The following ARPP21 variants were observed in gnomAD, a reference collection of about 807,000 sequenced individuals.
The protein encoded by ARPP21 is cAMP-regulated phosphoprotein 21.
In ARPP21, 69 loss-of-function variants were observed where a neutral mutation model predicts 113.2. The ratio of observed to expected loss-of-function variants is 0.61; its 90% CI spans 0.50 to 0.74. The LOEUF is 0.74. Ranked by LOEUF, ARPP21 falls within the 30% of genes least tolerant of loss-of-function variation. The pLI is 0.00. For missense variants in ARPP21, 1,070 were observed against 1,037.4 expected, an observed-to-expected ratio of 1.03 and a Z score of -0.43; for synonymous variants, 368 against 375.5, an observed-to-expected ratio of 0.98 and a Z score of 0.23.
At chr3:35,677,131 G>A (rs1431010988) in intron 1 of ARPP21, among the ~76,000 whole-genome samples, 1 of 151,850 alleles carries the variant, frequency 6.6e-6, no homozygotes, top group South Asian at 2.1e-4. Context: ...TGAAGAAAGT[G>A]ACTAATACAG....
chr3:35,740,979 G>T (rs1464513643), intron 18 of ARPP21, among the ~76,000 whole-genome samples: 1 of 151,906 alleles, frequency 6.6e-6, no homozygotes, highest in African/African-American at 2.4e-5. Flanking sequence ...GCACATTCTT[G>T]TGGTCCTACC....
At chr3:35,674,167 G>A (rs1185214624) in intron 1 of ARPP21, among the ~76,000 whole-genome samples, 4 of 152,026 alleles carry the variant, frequency 2.6e-5, no homozygotes, top group African/African-American at 9.6e-5. Context: ...GCCCAAACAA[G>A]AGTATCATCA....
intron 6 of ARPP21, among the ~76,000 whole-genome samples, chr3:35,688,928 G>A (rs909001493): frequency 6.6e-6 from 1 of 150,486 alleles, no homozygotes; most frequent in Non-Finnish European, 1.5e-5. Context: ...GGGTTCCATG[G>A]GATCTCAAAC....
chr3:35,758,595 C>T (rs2095654848), intron 19 of ARPP21, among the ~76,000 whole-genome samples: 1 of 151,454 alleles, frequency 6.6e-6, no homozygotes, highest in Non-Finnish European at 1.5e-5. Context: ...AAAAAAAAAA[C>T]ATGGAAATAT....
intron 9 of ARPP21, among the ~76,000 whole-genome samples, chr3:35,692,041 T>C (rs539202655): frequency 4.6e-5 from 7 of 151,534 alleles, no homozygotes; most frequent in South Asian, 2.1e-4. Context: ...GGGAAAGTCA[T>C]AGTGAAGAGA....
At chr3:35,768,619 T>C (rs1023675205) in intron 19 of ARPP21, among the ~76,000 whole-genome samples, 17 of 152,158 alleles carry the variant, frequency 1.1e-4, no homozygotes, top group African/African-American at 4.1e-4. Context: ...CTATAAGGAA[T>C]CCCATTCACA....
chr3:35,687,723 A>C lies in ARPP21; in HGVS notation c.262-16A>C. ...ATTAAACCTGGCCCTAAATTATTAT[A>C]TTTTTTCCCCAACAGGAATCAATTC... is the stretch of plus-strand genomic sequence containing the variant. On this transcript the variant is annotated splice_polypyrimidine_tract_variant and intron_variant, in intron 5 of 20. Transcript: ENST00000684406. 2 of 1,594,656 alleles carry C rather than the reference A, an allele frequency of 1.3e-6. No homozygotes were observed. The highest frequency in any genetic ancestry group is 1.7e-6 in the Non-Finnish European group (2 of 1,172,748).
At chr3:35,663,152 AT>A (rs896730940) in intron 1 of ARPP21, among the ~76,000 whole-genome samples, 5 of 152,134 alleles carry the variant, frequency 3.3e-5, no homozygotes, top group African/African-American at 7.2e-5. Flanking sequence ...TTAAAAAAAA[AT>A]AACAACAGAA....
chr3:35,689,190 C>T (rs2149598424), intron 6 of ARPP21, 117 bp from the exon 7 acceptor site: 3 of 673,628 alleles, frequency 4.5e-6, no homozygotes, highest in Non-Finnish European at 8.1e-6. Context: ...ATTTTTATAC[C>T]AACAGCTTCA....
chr3:35,771,934 A>G (rs2096217878), intron 19 of ARPP21, among the ~76,000 whole-genome samples: 1 of 152,218 alleles, frequency 6.6e-6, no homozygotes, highest in Non-Finnish European at 1.5e-5. Flanking sequence ...GTTTATTCTT[A>G]ATCATGTTAA....
At chr3:35,657,193 G>C (rs947253265) in intron 1 of ARPP21, among the ~76,000 whole-genome samples, 3 of 151,994 alleles carry the variant, frequency 2.0e-5, no homozygotes, top group African/African-American at 7.2e-5. Flanking sequence ...GACTAACTGT[G>C]AAAAACTGAC....
At chr3:35,742,063 C>T (rs1180493919) in intron 18 of ARPP21, among the ~76,000 whole-genome samples, 4 of 152,108 alleles carry the variant, frequency 2.6e-5, no homozygotes, top group Non-Finnish European at 5.9e-5. Flanking sequence ...TTCCATGCAG[C>T]TGTACTTTTA....
intron 16 of ARPP21, among the ~76,000 whole-genome samples, chr3:35,737,730 G>C (rs920263771): frequency 6.6e-6 from 1 of 152,102 alleles, no homozygotes. Flanking sequence ...GCTCATGTCT[G>C]CAAAGAGTCA....
At chr3:35,681,504 AGT>A (rs1418908997) in intron 2 of ARPP21, 1 of 421,364 alleles carries the variant, frequency 2.4e-6, no homozygotes, top group East Asian at 3.6e-5. Context: ...TGTATTCACA[AGT>A]GTGTGTAAAG....
chr3:35,644,752 T>C (rs1699524890), intron 1 of ARPP21, among the ~76,000 whole-genome samples: 1 of 151,962 alleles, frequency 6.6e-6, no homozygotes, highest in African/African-American at 2.4e-5. Context: ...CATCATATTA[T>C]GCTCCTGTTT....
chr3:35,744,353 G>A (rs766397428), intron 19 of ARPP21: 10 of 383,762 alleles, frequency 2.6e-5, no homozygotes, highest in East Asian at 8.5e-5. Context: ...TTTCAATATC[G>A]TGCTAAAAGA....
chr3:35,639,328 G>C (rs1203779130), upstream of ARPP21, among the ~76,000 whole-genome samples: 2 of 151,880 alleles, frequency 1.3e-5, no homozygotes, highest in African/African-American at 4.8e-5. The surrounding 1 kb of genome is among the most constrained non-coding windows in gnomAD (Gnocchi z 5.0). Flanking sequence ...GCAGGCGTCC[G>C]GCTGCCGCCA....
chr3:35,747,813 G>C (rs2095165548), intron 19 of ARPP21, among the ~76,000 whole-genome samples: 1 of 151,872 alleles, frequency 6.6e-6, no homozygotes, highest in African/African-American at 2.4e-5. Context: ...TTTAAGTCCT[G>C]AGGTGAGAGG....
chr3:35,678,874 T>C (rs1051216873), intron 1 of ARPP21: 3 of 151,906 alleles, frequency 2.0e-5, no homozygotes, highest in Non-Finnish European at 4.4e-5. Context: ...TGCATGCTGT[T>C]GGATTTAGCC....
Sources: gnomAD v4.1 joint callset for allele counts (sites outside exome capture counted in the v4.1 genomes callset) on GRCh38, gnomAD v4.1.1 for gene constraint, Gnocchi (gnomAD v3.1) non-coding constraint, MANE v1.5 for transcripts, NCBI Gene and HGNC (gene_info 2026-07-23, HGNC 2026-07-21) for gene names.